TYW1B: variants seen among roughly 807,000 people sequenced by gnomAD.
TYW1B encodes the protein tRNA-yW synthesizing protein 1 homolog B.
In TYW1B, 73 loss-of-function variants were observed where a neutral mutation model predicts 86.9. The ratio of observed to expected loss-of-function variants is 0.84; its 90% confidence interval spans 0.70 to 1.02. The LOEUF (loss-of-function observed/expected upper bound fraction) is 1.02, where lower values mean the gene tolerates loss of function less well. Among genes scored for constraint, TYW1B ranks in the 50% least tolerant of loss-of-function variants. TYW1B has a pLI of 0.00. For synonymous variants in TYW1B, 248 were observed against 292.8 expected (o/e 0.85, Z 1.56); for missense variants, 637 against 827.4 (o/e 0.77, Z 2.82).
intron 11 of TYW1B, among the ~76,000 whole-genome samples, chr7:72,665,571 A>G (rs1554445125): frequency 6.6e-6 from 1 of 152,216 alleles, no homozygotes; most frequent in Admixed American, 6.5e-5. Context: ...CTATCTTACA[A>G]GTACCTGTAA....
intron 11 of TYW1B, among the ~76,000 whole-genome samples, chr7:72,632,680 A>G (rs1812570299): frequency 6.7e-6 from 1 of 149,088 alleles, no homozygotes; most frequent in Admixed American, 6.9e-5. Context: ...AACTGGCAAC[A>G]GTAACCATAA....
At chr7:72,578,037 T>C (rs1160554741) in intron 13 of TYW1B, among the ~76,000 whole-genome samples, 11 of 152,036 alleles carry the variant, frequency 7.2e-5, no homozygotes, top group Non-Finnish European at 1.3e-4. Context: ...CCAAGCCTGC[T>C]GGCTCTGTGA....
intron 6 of TYW1B, among the ~76,000 whole-genome samples, chr7:72,792,632 T>G (rs1313510897): frequency 1.3e-5 from 2 of 152,176 alleles, no homozygotes; most frequent in African/African-American, 4.8e-5. Context: ...TTTTAGGAAT[T>G]TATTCTTCAG....
intron 10 of TYW1B, 143 bp from the exon 11 acceptor site, chr7:72,694,965 T>C (rs1344312281): frequency 4.5e-6 from 4 of 896,716 alleles, no homozygotes; most frequent in Non-Finnish European, 6.1e-6. Context: ...ACTGAACTAA[T>C]GATTTTAATC....
intron 11 of TYW1B, among the ~76,000 whole-genome samples, chr7:72,652,404 A>AAT: frequency 6.6e-6 from 1 of 150,514 alleles, no homozygotes; most frequent in African/African-American, 2.5e-5. Flanking sequence ...AAAAAAAAAA[A>AAT]AATTTTTGTG....
intron 7 of TYW1B, among the ~76,000 whole-genome samples, chr7:72,755,247 GTC>G (rs797025696): frequency 5.9e-5 from 9 of 151,922 alleles, no homozygotes; most frequent in African/African-American, 1.9e-4. Flanking sequence ...AGGAGACCCT[GTC>G]TCTACAGAAA....
chr7:72,601,530 T>C (rs1811666616), intron 13 of TYW1B, among the ~76,000 whole-genome samples: 1 of 152,042 alleles, frequency 6.6e-6, no homozygotes, highest in South Asian at 2.1e-4. Context: ...CCCAACTAAT[T>C]TGAAAACATA....
chr7:72,824,736 A>G (rs1477838695), intron 2 of TYW1B, among the ~76,000 whole-genome samples: 7 of 152,000 alleles, frequency 4.6e-5, no homozygotes, highest in Non-Finnish European at 8.8e-5. Context: ...GTGAGATACC[A>G]TCTCAAAAAT....
chr7:72,779,394 A>C (rs530163686), intron 6 of TYW1B, among the ~76,000 whole-genome samples: 73 of 152,418 alleles, frequency 4.8e-4, no homozygotes, highest in African/African-American at 1.7e-3. Context: ...AGAACATTCG[A>C]TGTCTCCCAT....
intron 6 of TYW1B, among the ~76,000 whole-genome samples, chr7:72,783,199 G>A (rs1325197415): frequency 2.0e-5 from 3 of 152,020 alleles, no homozygotes; most frequent in Admixed American, 2.0e-4. Flanking sequence ...AGGAGTTCGA[G>A]AACAGCCTGG....
At chr7:72,746,466 AT>A (rs1163641052) in intron 7 of TYW1B, among the ~76,000 whole-genome samples, 2 of 152,232 alleles carry the variant, frequency 1.3e-5, no homozygotes, top group African/African-American at 4.8e-5. Flanking sequence ...AGTTGAAGAA[AT>A]GTACACTTCA....
chr7:72,662,700 C>T (rs1229595262), intron 11 of TYW1B, among the ~76,000 whole-genome samples: 6 of 152,148 alleles, frequency 3.9e-5, no homozygotes, highest in Admixed American at 6.6e-5. Context: ...TCCAATATCT[C>T]AGACTATGAA....
intron 7 of TYW1B, among the ~76,000 whole-genome samples, chr7:72,773,268 G>A (rs1359041060): frequency 2.0e-5 from 3 of 152,304 alleles, no homozygotes; most frequent in South Asian, 2.1e-4. Flanking sequence ...GAAAATCATA[G>A]TGTGGAATTC....
intron 12 of TYW1B, among the ~76,000 whole-genome samples, chr7:72,622,124 A>C (rs1476649538): frequency 6.6e-6 from 1 of 152,202 alleles, no homozygotes; most frequent in African/African-American, 2.4e-5. Context: ...AGTTTTCAGC[A>C]AGACAGATGG....
At chr7:72,806,934 C>T (rs6959912) in intron 5 of TYW1B, 132 bp downstream of exon 5, 951,570 of 1,283,786 alleles carry the variant, frequency 0.74, 356,548 homozygotes, top group Non-Finnish European at 0.77. Flanking sequence ...ATTACAAGTG[C>T]GAGCCACTGC....
chr7:72,691,685 A>G (rs1161926466), intron 11 of TYW1B, among the ~76,000 whole-genome samples: 1 of 152,178 alleles, frequency 6.6e-6, no homozygotes, highest in East Asian at 1.9e-4. Context: ...ACTCCCATTT[A>G]AATCCATTCT....
intron 6 of TYW1B, among the ~76,000 whole-genome samples, chr7:72,791,298 GC>G (rs1554473345): frequency 6.6e-6 from 1 of 151,826 alleles, no homozygotes; most frequent in African/African-American, 2.4e-5. Flanking sequence ...ATTCCCTGGA[GC>G]CCAGTCTGGC....
At chr7:72,803,551 C>T (rs1291648170) in intron 5 of TYW1B, among the ~76,000 whole-genome samples, 1 of 152,170 alleles carries the variant, frequency 6.6e-6, no homozygotes, top group African/African-American at 2.4e-5. Flanking sequence ...ACGGCTAATA[C>T]GTGGCAGCCT....
intron 13 of TYW1B, among the ~76,000 whole-genome samples, chr7:72,576,061 GC>G (rs1370841178): frequency 3.3e-5 from 5 of 152,222 alleles, no homozygotes; most frequent in Non-Finnish European, 7.3e-5. Flanking sequence ...TCCTGCTGTT[GC>G]CGCTTTTGAT....
Sources: allele counts gnomAD v4.1 joint callset (sites outside exome capture counted in the v4.1 genomes callset), GRCh38; gene constraint gnomAD v4.1.1; transcripts MANE v1.5; gene names NCBI Gene and HGNC (gene_info 2026-07-23, HGNC 2026-07-21).